The following RFX8 variants were observed in gnomAD, a reference collection of about 807,000 sequenced individuals.
RFX8 encodes regulatory factor X8, also known as DNA-binding protein RFX8.
In RFX8, 46 loss-of-function variants were observed where a neutral mutation model predicts 54.6. The ratio of observed to expected loss-of-function variants is 0.84; its 90% CI spans 0.67 to 1.08. The LOEUF (loss-of-function observed/expected upper bound fraction) is 1.08, where lower values mean the gene tolerates loss of function less well. RFX8 is among the 50% of genes least tolerant of loss of function. RFX8 has a pLI of 0.00. For synonymous variants in RFX8, 192 were observed against 209.5 expected (o/e 0.92, Z 0.72); for missense variants, 536 against 562.3 (o/e 0.95, Z 0.47).
chr2:101,413,154 TTTG>T, intron 7 of RFX8, 83 bp from the exon 8 acceptor site: 2 of 1,140,654 alleles, frequency 1.8e-6, no homozygotes, highest in East Asian at 5.1e-5. Context: ...TGCCAAGATT[TTTG>T]TTGTGGGGGA....
chr2:101,432,423 C>T (rs1023332381), intron 2 of RFX8, among the ~76,000 whole-genome samples: 3 of 152,146 alleles, frequency 2.0e-5, no homozygotes, highest in African/African-American at 7.2e-5. Context: ...CAGGCATTGC[C>T]GGGCTTTCGT....
rs146270562 is a variant in RFX8, at chr2:101,421,392, A to G, written c.237+332T>C. On this transcript the variant is annotated intron_variant, in intron 4 of 11. Transcript: ENST00000428343. Reference sequence around the variant, plus strand: ...ATCAATCAAATGGCTCTTCGGCACCATTGAAAATTCCAGGGTGAATTTTAT... The same window carrying G: ...ATCAATCAAATGGCTCTTCGGCACCGTTGAAAATTCCAGGGTGAATTTTAT... 2.2e-3 allele frequency: 2,291 copies of G among 1,032,120 alleles called. 100 individuals are homozygous for G. In the Admixed American group the frequency reaches 0.086, roughly 39 times the overall value. The allele number at this position is 1,032,120 out of a possible 1,614,324, so 63.9% of individuals were successfully genotyped here.
In RFX8 at chr2:101,402,422, C is replaced by T. The variant is rs1470527178; in HGVS notation, c.1245+14G>A. On this transcript the variant is annotated intron_variant, in intron 11 of 11. Transcript: ENST00000428343. The stretch of plus-strand genomic sequence containing the variant: ...TTGAAACAGCTGTGTGGAAGGGGGT[C>T]CTGGTGTCCCTACCTTATTGCCCAT... 1 of 1,533,686 alleles carries T rather than the reference C, an allele frequency of 6.5e-7. No homozygotes were observed. The highest frequency in any genetic ancestry group is 1.4e-5 in the African/African-American group (1 of 72,810).
intron 2 of RFX8, among the ~76,000 whole-genome samples, chr2:101,462,511 A>C (rs1012466585): frequency 6.6e-6 from 1 of 152,208 alleles, no homozygotes; most frequent in Non-Finnish European, 1.5e-5. Context: ...TGCACTTGAA[A>C]ATATCTTAAT....
intron 2 of RFX8, among the ~76,000 whole-genome samples, chr2:101,447,625 C>T (rs1688462551): frequency 6.6e-6 from 1 of 152,182 alleles, no homozygotes; most frequent in Non-Finnish European, 1.5e-5. Flanking sequence ...TTCAAATCTT[C>T]TAGATATTTT....
intron 2 of RFX8, among the ~76,000 whole-genome samples, chr2:101,445,025 C>T (rs1688292896): frequency 6.6e-6 from 1 of 152,188 alleles, no homozygotes. Context: ...CTCTTATCCA[C>T]ATGTAGTATT....
At chr2:101,460,658 A>G (rs1689217857) in intron 2 of RFX8, among the ~76,000 whole-genome samples, 1 of 151,682 alleles carries the variant, frequency 6.6e-6, no homozygotes, top group Non-Finnish European at 1.5e-5. Flanking sequence ...CTGTCAAGTA[A>G]TTACTTCTGT....
intron 6 of RFX8, among the ~76,000 whole-genome samples, chr2:101,415,859 G>C (rs1430882393): frequency 2.0e-5 from 3 of 152,240 alleles, no homozygotes; most frequent in Non-Finnish European, 4.4e-5. Context: ...AGGTATTGAG[G>C]AAAGCTTCAC....
intron 2 of RFX8, among the ~76,000 whole-genome samples, chr2:101,462,433 A>G (rs1689334090): frequency 6.6e-6 from 1 of 152,204 alleles, no homozygotes; most frequent in African/African-American, 2.4e-5. Flanking sequence ...CTGCCTCAAA[A>G]AAAGGGGGGA....
In RFX8 at chr2:101,397,471, T is replaced by C. The variant is rs146936767; in HGVS notation, c.*77A>G. 41 of 952,054 alleles carry C rather than the reference T, an allele frequency of 4.3e-5. No homozygotes were observed. The East Asian group carries it at 1.0e-3, about 24-fold the overall frequency. The allele number at this position is 952,054 out of a possible 1,614,324, so 59.0% of individuals were successfully genotyped here. A position where few individuals can be genotyped will look rare whatever the true frequency, so the allele number is the denominator to read the frequency against. Reference sequence around the variant, plus strand: ...TATACATAACATCATCTTTCGTCAATAGAAAAACTTTAGTATTTAATATTT... The same window carrying C: ...TATACATAACATCATCTTTCGTCAACAGAAAAACTTTAGTATTTAATATTT... On this transcript the variant is annotated 3_prime_UTR_variant, in exon 12 of 12. Coordinates refer to ENST00000428343, the MANE Select transcript of RFX8 (RefSeq NM_001145664.2).
intron 2 of RFX8, among the ~76,000 whole-genome samples, chr2:101,455,294 T>A (rs1213380643): frequency 6.6e-6 from 1 of 152,178 alleles, no homozygotes; most frequent in African/African-American, 2.4e-5. Context: ...ATTACAGGTG[T>A]GAGCCACCAT....
chr2:101,436,558 G>C (rs938303), intron 2 of RFX8, among the ~76,000 whole-genome samples: 115,094 of 152,044 alleles, frequency 0.76, 44,523 homozygotes, highest in Middle Eastern at 0.88. Flanking sequence ...ATACTAGTAG[G>C]AGAGTTTTTG....
At chr2:101,452,413 G>A (rs540129616) in intron 2 of RFX8, 23 of 1,378,016 alleles carry the variant, frequency 1.7e-5, no homozygotes, top group African/African-American at 9.1e-5. Flanking sequence ...CCCAGCCTCC[G>A]GGTGCCAAGG....
intron 2 of RFX8, among the ~76,000 whole-genome samples, chr2:101,440,313 A>G (rs1482311094): frequency 1.3e-5 from 2 of 152,118 alleles, no homozygotes; most frequent in Non-Finnish European, 2.9e-5. Context: ...TGGCTCTTGG[A>G]GTGTTCCCAG....
intron 2 of RFX8, among the ~76,000 whole-genome samples, chr2:101,425,817 T>A (rs944028335): frequency 6.6e-6 from 1 of 152,172 alleles, no homozygotes; most frequent in African/African-American, 2.4e-5. Flanking sequence ...CACTAACGTG[T>A]GGACCCTGCA....
At chr2:101,408,669 C>A (rs1685904655) in intron 9 of RFX8, among the ~76,000 whole-genome samples, 1 of 152,172 alleles carries the variant, frequency 6.6e-6, no homozygotes, top group South Asian at 2.1e-4. Flanking sequence ...TGCCTAAGAT[C>A]AACAGGAGGA....
intron 7 of RFX8, 92 bp downstream of exon 7, chr2:101,414,762 G>T (rs1686391111): frequency 2.0e-6 from 2 of 993,338 alleles, no homozygotes; most frequent in Admixed American, 2.0e-5. Flanking sequence ...CAGATGGACA[G>T]AGCAACCACT....
intron 2 of RFX8, among the ~76,000 whole-genome samples, chr2:101,431,947 T>G (rs866808454): frequency 2.0e-5 from 3 of 152,184 alleles, no homozygotes; most frequent in East Asian, 3.9e-4. Context: ...GAATCCTCAC[T>G]GGGAGAGCTA....
At chr2:101,438,580 C>T (rs982258296) in intron 2 of RFX8, among the ~76,000 whole-genome samples, 1 of 152,264 alleles carries the variant, frequency 6.6e-6, no homozygotes. Context: ...AGTTCTCATG[C>T]CTCTGGAATA....
Sources: gnomAD v4.1 joint callset for allele counts (sites outside exome capture counted in the v4.1 genomes callset) on GRCh38, gnomAD v4.1.1 for gene constraint, MANE v1.5 for transcripts, NCBI Gene and HGNC (gene_info 2026-07-23, HGNC 2026-07-21) for gene names.